The following UTRN variants were observed in gnomAD, a reference collection of about 807,000 sequenced individuals.
UTRN encodes the protein utrophin, also known as dystrophin-related protein 1.
UTRN carries 283 observed loss-of-function variants against 463.9 expected under a neutral mutation model. That is an observed-to-expected ratio of 0.61 (90% confidence interval 0.55 to 0.67). The LOEUF is 0.67. UTRN is among the 30% of genes least tolerant of loss of function. The probability of loss-of-function intolerance (pLI) is 0.00; values close to 1 mark genes in which losing one functional copy is unlikely to be tolerated. For missense variants in UTRN, 3,922 were observed against 4,084.3 expected (o/e 0.96, Z 1.08); for synonymous variants, 1,442 against 1,431.5 (o/e 1.01, Z -0.17).
At chr6:144,635,514 C>CTTTTTTTTTTTTT (rs1402815648) in intron 51 of UTRN, among the ~76,000 whole-genome samples, 11 of 80,026 alleles carry the variant, frequency 1.4e-4, no homozygotes, top group Admixed American at 1.9e-4. Context: ...CTTTTTTTTT[C>CTTTTTTTTTTTTT]TTTTTTTTTT....
intron 50 of UTRN, among the ~76,000 whole-genome samples, chr6:144,560,949 T>A (rs944251204): frequency 1.3e-5 from 2 of 151,766 alleles, no homozygotes; most frequent in Admixed American, 1.3e-4. Flanking sequence ...CGCAACTGAA[T>A]CCTGATTTTT....
At chr6:144,474,496 T>A in intron 24 of UTRN, 108 bp from the exon 25 acceptor site, 1 of 1,198,332 alleles carries the variant, frequency 8.3e-7, no homozygotes, top group Non-Finnish European at 1.1e-6. Context: ...GTACTGACTC[T>A]TAAGCAGTCT....
chr6:144,808,677 C>T (rs556204560), intron 65 of UTRN, among the ~76,000 whole-genome samples: 2 of 152,062 alleles, frequency 1.3e-5, no homozygotes, highest in Non-Finnish European at 2.9e-5. Flanking sequence ...TTTTCCTCCA[C>T]CCCCCAGCCC....
intron 72 of UTRN, 128 bp downstream of exon 72, chr6:144,839,412 GT>G (rs1275467284): frequency 1.6e-6 from 1 of 632,248 alleles, no homozygotes; most frequent in Non-Finnish European, 2.6e-6. Context: ...TTTGTATTTG[GT>G]CTTAAATAGG....
intron 9 of UTRN, among the ~76,000 whole-genome samples, chr6:144,433,105 A>G (rs1313953828): frequency 6.6e-6 from 1 of 152,172 alleles, no homozygotes; most frequent in Non-Finnish European, 1.5e-5. Flanking sequence ...AGACACGGCA[A>G]CCATCCGATT....
chr6:144,803,361 T>C (rs1305161580), intron 65 of UTRN, among the ~76,000 whole-genome samples: 1 of 152,014 alleles, frequency 6.6e-6, no homozygotes, highest in Non-Finnish European at 1.5e-5. Context: ...TTAAACTTTT[T>C]TGGTAGCAAA....
chr6:144,532,732 C>A (rs541417540), intron 42 of UTRN, among the ~76,000 whole-genome samples: 1 of 152,326 alleles, frequency 6.6e-6, no homozygotes, highest in Admixed American at 6.5e-5. Flanking sequence ...GCAATGCCTT[C>A]AAGCACTTGC....
At chr6:144,808,910 G>A (rs1161763958) in intron 65 of UTRN, among the ~76,000 whole-genome samples, 2 of 151,852 alleles carry the variant, frequency 1.3e-5, no homozygotes. Context: ...TTTTTCTGTT[G>A]TAGGATACTT....
chr6:144,513,098 C>A (rs1185840849), intron 35 of UTRN, among the ~76,000 whole-genome samples: 1 of 152,150 alleles, frequency 6.6e-6, no homozygotes, highest in African/African-American at 2.4e-5. Context: ...CATTTCATGT[C>A]CTGCTTCAGT....
intron 2 of UTRN, among the ~76,000 whole-genome samples, chr6:144,396,873 T>TCCTACTC (rs2114780778): frequency 6.6e-6 from 1 of 152,226 alleles, no homozygotes; most frequent in Non-Finnish European, 1.5e-5. Context: ...CTTATATACT[T>TCCTACTC]CCTACTCCTG....
intron 66 of UTRN, among the ~76,000 whole-genome samples, chr6:144,821,344 C>T (rs192695182): frequency 1.3e-5 from 2 of 152,136 alleles, no homozygotes; most frequent in East Asian, 1.9e-4. Flanking sequence ...TATAGTCTTT[C>T]ATTATTTATT....
intron 64 of UTRN, among the ~76,000 whole-genome samples, chr6:144,800,976 A>G (rs73779138): frequency 0.031 from 4,706 of 152,250 alleles, 230 homozygotes; most frequent in African/African-American, 0.11. Context: ...ATCAGAAGTC[A>G]TTGGGAATCT....
chr6:144,338,178 T>A (rs562572507), intron 2 of UTRN, among the ~76,000 whole-genome samples: 3 of 152,322 alleles, frequency 2.0e-5, no homozygotes, highest in South Asian at 2.1e-4. Flanking sequence ...TTTTTATAAT[T>A]TTTTGAACCA....
At position 144,698,797 on chromosome 6, in the gene UTRN, T is replaced by A. The variant is rs373977828; in HGVS notation, c.7653-1290T>A. Among the ~76,000 whole-genome samples the A allele has an allele frequency of 9.2e-5, 14 of 152,366 alleles. No individual in the cohort carries two copies. In the East Asian group the frequency reaches 2.7e-3, roughly 29 times the overall value. On this transcript the variant is annotated intron_variant, in intron 52 of 74. Transcript: ENST00000367545. ...TTTGCTCTTATTGGAACCTTAACCA[T>A]ATCAAAATGTATTTCCTAAACATAT... is the stretch of plus-strand genomic sequence containing the variant.
chr6:144,320,779 C>T (rs920937799), intron 2 of UTRN, among the ~76,000 whole-genome samples: 5 of 152,202 alleles, frequency 3.3e-5, no homozygotes, highest in African/African-American at 9.6e-5. Flanking sequence ...TCTGAGCTTT[C>T]GCATTCAGGT....
In UTRN at chr6:144,297,018, A is replaced by G. The variant is rs546069650; in HGVS notation, c.79+5111A>G. On this transcript the variant is annotated intron_variant, in intron 2 of 74. Transcript: ENST00000367545. ...TGGGTGGAAGATAGAGAAATGGATA[A>G]TGTGTTTCTGACATGAATTCCTTTT... Among the ~76,000 whole-genome samples, 5 of 152,276 alleles carry G rather than the reference A, an allele frequency of 3.3e-5. No homozygotes were observed. The South Asian group carries it at 1.0e-3, about 32-fold the overall frequency.
intron 2 of UTRN, among the ~76,000 whole-genome samples, chr6:144,385,066 C>T (rs1205739588): frequency 6.6e-6 from 1 of 152,066 alleles, no homozygotes; most frequent in Non-Finnish European, 1.5e-5. Flanking sequence ...CTCTTGCTAA[C>T]CTCCAAGAAA....
intron 51 of UTRN, among the ~76,000 whole-genome samples, chr6:144,604,095 T>A (rs1410525429): frequency 1.3e-5 from 2 of 152,222 alleles, no homozygotes; most frequent in Non-Finnish European, 2.9e-5. Flanking sequence ...ATTATGTTAC[T>A]TTCGAGGTCT....
At chr6:144,382,358 C>G (rs1168095877) in intron 2 of UTRN, among the ~76,000 whole-genome samples, 1 of 152,192 alleles carries the variant, frequency 6.6e-6, no homozygotes, top group East Asian at 1.9e-4. Context: ...TTGGTATTCC[C>G]TTAGACCAGA....
Sources: allele counts gnomAD v4.1 joint callset (sites outside exome capture counted in the v4.1 genomes callset), GRCh38; gene constraint gnomAD v4.1.1; transcripts MANE v1.5; gene names NCBI Gene and HGNC (gene_info 2026-07-23, HGNC 2026-07-21).